Variants in TENT2 observed in about 807,000 individuals in gnomAD.
TENT2 encodes the protein poly(A) RNA polymerase GLD2.
A neutral mutation model predicts 72.2 loss-of-function variants in TENT2; 44 were observed. That is an observed-to-expected ratio of 0.61 (90% CI 0.48 to 0.78). The LOEUF (loss-of-function observed/expected upper bound fraction) is 0.78, where lower values mean the gene tolerates loss of function less well. Ranked by LOEUF, TENT2 falls within the 30% of genes least tolerant of loss-of-function variation. TENT2 has a pLI of 0.00. For missense variants in TENT2, 541 were observed against 569.6 expected (o/e 0.95, Z 0.51); for synonymous variants, 212 against 192.5 (o/e 1.10, Z -0.84).
At chr5:79,622,997 A>G (rs959602996) in intron 3 of TENT2, among the ~76,000 whole-genome samples, 2 of 152,160 alleles carry the variant, frequency 1.3e-5, no homozygotes, top group African/African-American at 4.8e-5. Context: ...GGGTAGTTCA[A>G]ATACAGGAGA....
chr5:79,639,039 G>T (rs572862545), intron 4 of TENT2, among the ~76,000 whole-genome samples: 5 of 152,250 alleles, frequency 3.3e-5, no homozygotes, highest in African/African-American at 1.2e-4. Context: ...ACAGGAGCAG[G>T]ACTGAAATAC....
chr5:79,627,016 G>C (rs1005321691), intron 4 of TENT2, among the ~76,000 whole-genome samples: 1 of 151,786 alleles, frequency 6.6e-6, no homozygotes, highest in African/African-American at 2.4e-5. Context: ...TATAGTCCCA[G>C]CTACTTGAGA....
At chr5:79,631,585 A>C (rs1775550662) in intron 4 of TENT2, among the ~76,000 whole-genome samples, 1 of 152,204 alleles carries the variant, frequency 6.6e-6, no homozygotes, top group Admixed American at 6.5e-5. Context: ...CGGTTGAGGA[A>C]AGAATAGGAG....
intron 4 of TENT2, among the ~76,000 whole-genome samples, chr5:79,626,304 T>A (rs2150070095): frequency 6.7e-6 from 1 of 148,980 alleles, no homozygotes; most frequent in African/African-American, 2.4e-5. Flanking sequence ...CATGCCCAGC[T>A]AATTTTTTTT....
At chr5:79,642,318 A>C (rs1189729314) in intron 6 of TENT2, among the ~76,000 whole-genome samples, 1 of 152,034 alleles carries the variant, frequency 6.6e-6, no homozygotes, top group Non-Finnish European at 1.5e-5. Flanking sequence ...TCACATTATA[A>C]ACAGTGGAGA....
rs1369684388 is a variant in TENT2, at chr5:79,619,633, TC to T, written c.-14del. 1 of 1,605,588 alleles carries T rather than the reference TC, an allele frequency of 6.2e-7. No individual in the cohort carries two copies. The highest frequency in any genetic ancestry group is 1.1e-5 in the South Asian group (1 of 90,500). ...CTAGGTAGAAGAATACATGTTCACT[TC>T]CAGTGAACAAGAGCATGTTCCCAAA... On this transcript the variant is annotated 5_prime_UTR_variant, in exon 2 of 15. Transcript: ENST00000453514.
intron 4 of TENT2, among the ~76,000 whole-genome samples, chr5:79,634,418 C>T (rs1298676197): frequency 3.3e-5 from 5 of 152,038 alleles, no homozygotes; most frequent in African/African-American, 9.7e-5. Context: ...CTCACTGCAA[C>T]CTCTGCCTCC....
chr5:79,629,393 C>A (rs1228975617), intron 4 of TENT2, among the ~76,000 whole-genome samples: 5 of 152,196 alleles, frequency 3.3e-5, no homozygotes, highest in Admixed American at 2.0e-4. Context: ...AGTTGAAACA[C>A]CCTAGAGTAG....
chr5:79,669,187 T>C (rs557601007), intron 12 of TENT2, among the ~76,000 whole-genome samples, 159 bp downstream of exon 12: 1 of 152,324 alleles, frequency 6.6e-6, no homozygotes, highest in East Asian at 1.9e-4. Flanking sequence ...ATGTATAGTT[T>C]ATAAAATTTC....
intron 14 of TENT2, among the ~76,000 whole-genome samples, chr5:79,684,542 C>T (rs1469117666): frequency 2.0e-5 from 3 of 152,226 alleles, no homozygotes; most frequent in Non-Finnish European, 4.4e-5. Flanking sequence ...AGGCATGAGA[C>T]ACTATACCCA....
chr5:79,612,605 G>C lies in TENT2; in HGVS notation c.-508G>C, dbSNP rs925106238. 6.5e-6 allele frequency: 1 copy of C among 153,296 alleles called. No homozygotes were observed. The highest frequency in any genetic ancestry group is 2.4e-5 in the African/African-American group (1 of 41,460). 9.5% of individuals were successfully genotyped at this position (153,296 alleles called of 1,614,324 possible). A position where few individuals can be genotyped will look rare whatever the true frequency, so the allele number is the denominator to read the frequency against. ...TCCTCCCCTGGCAGCCGTGAGGGGG[G>C]TTAGATCTCAGCCGGAGCCGGAGCT... is the stretch of plus-strand genomic sequence containing the variant. On this transcript the variant is annotated 5_prime_UTR_variant, in exon 1 of 15. Transcript: ENST00000453514.
chr5:79,631,730 G>T lies in TENT2; in HGVS notation c.465+8241G>T, dbSNP rs530734276. ...ACTCTGGTCACAAATAAATGTTTGT[G>T]GGGAAGATTCATAGAGAGGAAAGAG... is the stretch of plus-strand genomic sequence containing the variant. On this transcript the variant is annotated intron_variant, in intron 4 of 14. Transcript: ENST00000453514. Among the ~76,000 whole-genome samples the T allele has an allele frequency of 2.0e-5, 3 of 152,260 alleles. No individual in the cohort carries two copies. The South Asian group carries it at 6.2e-4, about 32-fold the overall frequency.
chr5:79,648,683 T>G lies in TENT2; in HGVS notation c.888T>G (p.Thr296=). 1 of 1,590,424 alleles carries G rather than the reference T, an allele frequency of 6.3e-7. No homozygotes were observed. Among genetic ancestry groups the G allele is most frequent in the Non-Finnish European group, 8.6e-7 (1 of 1,168,676 alleles). Residue 296 remains threonine (T), a synonymous_variant, in exon 9 of 15, where the codon ACT becomes ACG. Coordinates refer to ENST00000453514, the MANE Select transcript of TENT2 (RefSeq NM_001114394.3). The part of the protein sequence containing the change: ...VGIRNTFLLR[T]YAYLENRVRP... Reference sequence around the variant, plus strand: ...TAAGAAACACATTCCTTCTCAGAACTTATGCATACCGTAAGTTTGTTGTTT... The same window carrying G: ...TAAGAAACACATTCCTTCTCAGAACGTATGCATACCGTAAGTTTGTTGTTT...
chr5:79,674,461 CAT>C (rs1815613552), intron 12 of TENT2, among the ~76,000 whole-genome samples: 1 of 152,134 alleles, frequency 6.6e-6, no homozygotes, highest in Admixed American at 6.5e-5. Flanking sequence ...ATAGAACAGT[CAT>C]ATACAATGCA....
chr5:79,663,087 C>A (rs921889384), intron 11 of TENT2, among the ~76,000 whole-genome samples: 2 of 152,208 alleles, frequency 1.3e-5, no homozygotes, highest in African/African-American at 4.8e-5. Flanking sequence ...CCTTAAACCT[C>A]ATAACCAGCC....
chr5:79,659,012 A>G (rs539193722), intron 11 of TENT2, among the ~76,000 whole-genome samples: 2 of 152,240 alleles, frequency 1.3e-5, no homozygotes, highest in East Asian at 3.9e-4. Context: ...TAATAGCAAG[A>G]CCTGCGAGAT....
rs3087813 is a variant in TENT2, at chr5:79,685,727, G to T, written c.*454G>T. 0.32 allele frequency: 49,370 copies of T among 153,644 alleles called. 10,688 individuals are homozygous for T. The highest frequency in any genetic ancestry group is 0.62 in the African/African-American group (25,807 of 41,460). 9.5% of individuals were successfully genotyped at this position (153,644 alleles called of 1,614,324 possible). ...AGTGAAGATTCAAGTCAGTTGTTCA[G>T]TTACTTGAAGCAAAACGAAATCTTT... On this transcript the variant is annotated 3_prime_UTR_variant, in exon 15 of 15. Transcript: ENST00000453514.
At chr5:79,668,769 A>C in intron 11 of TENT2, 123 bp from the exon 12 acceptor site, 2 of 1,200,930 alleles carry the variant, frequency 1.7e-6, no homozygotes, top group South Asian at 1.8e-5. Flanking sequence ...CAGGTTTCCA[A>C]ATTGCCAAAT....
chr5:79,652,510 A>G (rs1794951215), intron 10 of TENT2, among the ~76,000 whole-genome samples: 1 of 152,090 alleles, frequency 6.6e-6, no homozygotes, highest in South Asian at 2.1e-4. Flanking sequence ...TTTATAATAT[A>G]TGAGAGTATA....
Sources: gnomAD v4.1 joint callset for allele counts (sites outside exome capture counted in the v4.1 genomes callset) on GRCh38, gnomAD v4.1.1 for gene constraint, MANE v1.5 for transcripts, NCBI Gene and HGNC (gene_info 2026-07-23, HGNC 2026-07-21) for gene names.